Variants in RAB3C observed in about 807,000 individuals in gnomAD.
RAB3C encodes RAB3C, member RAS oncogene family.
A neutral mutation model predicts 26.4 loss-of-function variants in RAB3C; 17 were observed. The ratio of observed to expected loss-of-function variants is 0.64; its 90% confidence interval spans 0.44 to 0.97. The LOEUF (loss-of-function observed/expected upper bound fraction) is 0.97. RAB3C is among the 50% of genes least tolerant of loss of function. The pLI is 0.00. For synonymous variants in RAB3C, 91 were observed against 95.9 expected (o/e 0.95, Z 0.30); for missense variants, 242 against 281.9 (o/e 0.86, Z 1.01).
chr5:58,687,229 C>A (rs1230580878), intron 2 of RAB3C, among the ~76,000 whole-genome samples: 1 of 152,080 alleles, frequency 6.6e-6, no homozygotes, highest in Non-Finnish European at 1.5e-5. Flanking sequence ...GCTATCTTCG[C>A]AAAATGTGCA....
chr5:58,685,222 A>G (rs967826095), intron 2 of RAB3C, among the ~76,000 whole-genome samples: 1 of 152,164 alleles, frequency 6.6e-6, no homozygotes, highest in Non-Finnish European at 1.5e-5. Context: ...TATTTCCCTC[A>G]GATAAGGGAC....
chr5:58,699,930 G>T (rs932552599), intron 2 of RAB3C, among the ~76,000 whole-genome samples: 37 of 152,174 alleles, frequency 2.4e-4, no homozygotes, highest in African/African-American at 8.0e-4. Flanking sequence ...TGGGTGAGGC[G>T]ATGCCATGCC....
At chr5:58,788,501 A>G (rs1294360832) in intron 3 of RAB3C, 2 of 152,252 alleles carry the variant, frequency 1.3e-5, no homozygotes, top group Non-Finnish European at 2.9e-5. Flanking sequence ...CTGATAGATT[A>G]TATCAGAAAC....
chr5:58,740,604 G>A (rs922058656), intron 3 of RAB3C, among the ~76,000 whole-genome samples: 10 of 152,116 alleles, frequency 6.6e-5, no homozygotes, highest in African/African-American at 1.7e-4. Flanking sequence ...GGTGGATCAC[G>A]AGGTCAAGAG....
intron 2 of RAB3C, among the ~76,000 whole-genome samples, chr5:58,648,483 T>A (rs1561278069): frequency 6.6e-6 from 1 of 152,284 alleles, no homozygotes; most frequent in East Asian, 1.9e-4. Context: ...CATAGTTTTC[T>A]GTAACGTAAA....
chr5:58,740,985 T>G (rs1429573141), intron 3 of RAB3C, among the ~76,000 whole-genome samples: 1 of 152,154 alleles, frequency 6.6e-6, no homozygotes, highest in Non-Finnish European at 1.5e-5. Context: ...TGACCAGCTG[T>G]CTACAAATTT....
At chr5:58,697,427 T>A (rs1748738124) in intron 2 of RAB3C, among the ~76,000 whole-genome samples, 3 of 152,312 alleles carry the variant, frequency 2.0e-5, no homozygotes, top group Admixed American at 6.5e-5. Context: ...GTTTTGTAGA[T>A]GTCTATTAGG....
intron 3 of RAB3C, among the ~76,000 whole-genome samples, chr5:58,739,399 T>C (rs1455285462): frequency 2.0e-5 from 3 of 152,196 alleles, no homozygotes; most frequent in African/African-American, 7.2e-5. Flanking sequence ...TTCCTTTCTA[T>C]AGCTGGAGAA....
intron 3 of RAB3C, chr5:58,794,369 C>T (rs1208763927): frequency 6.6e-6 from 1 of 151,156 alleles, no homozygotes; most frequent in Non-Finnish European, 1.5e-5. Context: ...AACACAGAAG[C>T]TTGTGGGAAC....
intron 3 of RAB3C, among the ~76,000 whole-genome samples, chr5:58,804,457 A>G (rs917600823): frequency 1.3e-5 from 2 of 152,224 alleles, no homozygotes; most frequent in Non-Finnish European, 2.9e-5. Context: ...AGGGAGGGAC[A>G]TGAGCAAGCC....
intron 4 of RAB3C, among the ~76,000 whole-genome samples, chr5:58,828,923 G>GA (rs1743550941): frequency 1.6e-5 from 1 of 60,724 alleles, no homozygotes; most frequent in Non-Finnish European, 3.6e-5. Context: ...TTTTTTTTTT[G>GA]GATGGAGTCT....
rs185613534 is a variant in RAB3C at position 58,630,822 on chromosome 5, G to A, written c.252+12952G>A. 3.9e-5 allele frequency among the ~76,000 whole-genome samples: 6 copies of A among 152,270 alleles called. No individual in the cohort carries two copies. The East Asian group carries it at 1.2e-3, about 29-fold the overall frequency. On this transcript the variant is annotated intron_variant, in intron 2 of 4. Transcript: ENST00000282878. ...CTCATATAAATCATTAATAATATTAGCAGAAGACTACAGCAGTGTTGGCAT... is the reference window on the plus strand; with the variant it reads ...CTCATATAAATCATTAATAATATTAACAGAAGACTACAGCAGTGTTGGCAT...
chr5:58,646,592 A>T (rs1747525597), intron 2 of RAB3C, among the ~76,000 whole-genome samples: 1 of 152,090 alleles, frequency 6.6e-6, no homozygotes, highest in African/African-American at 2.4e-5. Context: ...CAAACCTTTC[A>T]CTGGTGTACA....
chr5:58,632,196 G>T (rs1274706503), intron 2 of RAB3C, among the ~76,000 whole-genome samples: 2 of 152,196 alleles, frequency 1.3e-5, no homozygotes, highest in African/African-American at 4.8e-5. Context: ...GAAACTAGAA[G>T]CCTGGGTGAA....
chr5:58,801,642 A>T (rs1226385857), intron 3 of RAB3C, among the ~76,000 whole-genome samples: 1 of 152,226 alleles, frequency 6.6e-6, no homozygotes, highest in African/African-American at 2.4e-5. Context: ...CAGAAAGGGG[A>T]TCTTCTATTT....
intron 2 of RAB3C, among the ~76,000 whole-genome samples, chr5:58,637,428 G>A (rs1579830332): frequency 6.6e-6 from 1 of 152,064 alleles, no homozygotes; most frequent in East Asian, 1.9e-4. Flanking sequence ...AACAGTAAAA[G>A]ATCTGTGATT....
At chr5:58,765,965 G>T (rs1172828512) in intron 3 of RAB3C, among the ~76,000 whole-genome samples, 1 of 152,050 alleles carries the variant, frequency 6.6e-6, no homozygotes, top group Non-Finnish European at 1.5e-5. Context: ...TCTTCCTCCT[G>T]CTCCGGCCAC....
chr5:58,608,441 T>G (rs1340386293), intron 1 of RAB3C, among the ~76,000 whole-genome samples: 1 of 152,186 alleles, frequency 6.6e-6, no homozygotes, highest in Non-Finnish European at 1.5e-5. Context: ...GAAAAAATGC[T>G]CATCATCACT....
Position 58,726,003 on chromosome 5 carries a change from A to G in RAB3C, c.254A>G (p.Asp85Gly). The change falls in exon 3 of 5, where the codon GAC (aspartate) becomes GGC (glycine). Residue 85 changes from aspartate (D) to glycine (G), a missense_variant and splice_region_variant. Coordinates refer to ENST00000282878, the MANE Select transcript of RAB3C (RefSeq NM_138453.4). ...TATCATTTTTTTTTTATTCTTTAGG[A>G]CACAGCAGGCCAGGAAAGATACAGG... ...NEKRIKLQIW[D>G]TAGQERYRTI... 1 of 1,558,352 alleles carries G rather than the reference A, an allele frequency of 6.4e-7. No homozygotes were observed. The highest frequency in any genetic ancestry group is 8.7e-7 in the Non-Finnish European group (1 of 1,144,990).
Sources: allele counts gnomAD v4.1 joint callset (sites outside exome capture counted in the v4.1 genomes callset), GRCh38; gene constraint gnomAD v4.1.1; transcripts MANE v1.5; gene names NCBI Gene and HGNC (gene_info 2026-07-23, HGNC 2026-07-21).